The following PRAMEF12 variants were observed in gnomAD, a reference collection of about 807,000 sequenced individuals.
PRAMEF12 encodes PRAME family member 12.
Under a neutral mutation model 24.6 loss-of-function variants are expected in PRAMEF12, and 24 were observed. The observed-to-expected ratio is 0.98, with a 90% confidence interval of 0.71 to 1.37. The LOEUF is 1.37. Ranked by LOEUF, PRAMEF12 falls within the 40% of genes most tolerant of loss-of-function variation. The pLI, the probability that PRAMEF12 is intolerant of heterozygous loss-of-function variation, is 0.00. For synonymous variants in PRAMEF12, 286 were observed against 242.6 expected (o/e 1.18, Z -1.66); for missense variants, 646 against 580.3 (o/e 1.11, Z -1.16).
chr1:12,776,459 A>G (rs1486526818), intron 2 of PRAMEF12, among the ~76,000 whole-genome samples: 1 of 152,156 alleles, frequency 6.6e-6, no homozygotes, highest in African/African-American at 2.4e-5. Flanking sequence ...TGAAGAGGGC[A>G]CTAAAGAAGA....
rs1208761873 is a variant in PRAMEF12, at chr1:12,777,877, A to G, written c.*278A>G. 6 of 446,038 alleles carry G rather than the reference A, an allele frequency of 1.3e-5. No individual in the cohort carries two copies. The highest frequency in any genetic ancestry group is 1.2e-4 in the African/African-American group (6 of 50,708). 27.6% of individuals were successfully genotyped at this position (446,038 alleles called of 1,614,324 possible). Reference sequence around the variant, plus strand: ...CCTGCACGGATGGTTGTAAAGAAACAGTCAGAAATAAAGGGAAGCTGAGTG... The same window carrying G: ...CCTGCACGGATGGTTGTAAAGAAACGGTCAGAAATAAAGGGAAGCTGAGTG... On this transcript the variant is annotated 3_prime_UTR_variant, in exon 3 of 3. Transcript: ENST00000357726.
rs1264459884 is a variant in PRAMEF12 at position 12,774,948 on chromosome 1, C to A, written c.81C>A (p.Thr27=). The part of the protein sequence containing the change: ...LLRDRALAIP[T]LEELPRELFP... ...GAGACCGGGCCTTGGCCATCCCCAC[C>A]CTGGAGGAGCTGCCCAGGGAGCTCT... Residue 27 remains threonine (T), a synonymous_variant, in exon 1 of 3, where the codon ACC becomes ACA. Coordinates refer to ENST00000357726, the MANE Select transcript of PRAMEF12 (RefSeq NM_001080830.5). 6.2e-7 allele frequency: 1 copy of A among 1,613,892 alleles called. No individual in the cohort carries two copies. The highest frequency in any genetic ancestry group is 1.3e-5 in the African/African-American group (1 of 74,866).
Position 12,777,803 on chromosome 1 carries a change from G to T in PRAMEF12, c.*204G>T, listed in dbSNP as rs920508070. 3.2e-6 allele frequency: 2 copies of T among 620,398 alleles called. No homozygotes were observed. The highest frequency in any genetic ancestry group is 5.6e-6 in the Non-Finnish European group (2 of 355,730). 38.4% of individuals were successfully genotyped at this position (620,398 alleles called of 1,614,324 possible). On this transcript the variant is annotated 3_prime_UTR_variant, in exon 3 of 3. Transcript: ENST00000357726. ...CCCAGAGAATCAGAAATGGGAATCT[G>T]AATTGCTAGAATGAGAATCAGGTAG...
rs767110416 is a variant in PRAMEF12 at position 12,776,120 on chromosome 1, T to C, written c.863+2T>C. ...AGGCCACCTGGACCAGCTGCTCAGG[T>C]GAGGAAGTATGGTGAGCTTTCTCTG... On this transcript the variant is annotated splice_donor_variant, in intron 2 of 2. Coordinates refer to ENST00000357726, the MANE Select transcript of PRAMEF12 (RefSeq NM_001080830.5). LOFTEE classifies it high-confidence loss of function. 5.6e-6 allele frequency: 9 copies of C among 1,612,870 alleles called. 1 individual carries two copies. Among genetic ancestry groups the C allele is most frequent in the South Asian group, 5.5e-5 (5 of 91,048 alleles).
At position 12,774,969 on chromosome 1, in the gene PRAMEF12, G is replaced by A; in HGVS notation, c.102G>A (p.Glu34=). Reference sequence around the variant, plus strand: ...CCACCCTGGAGGAGCTGCCCAGGGAGCTCTTTCCCCCACTGTTCATGGAGG... The same window carrying A: ...CCACCCTGGAGGAGCTGCCCAGGGAACTCTTTCCCCCACTGTTCATGGAGG... ...AIPTLEELPR[E]LFPPLFMEAF... Residue 34 remains glutamate, a synonymous_variant, in exon 1 of 3, where the codon GAG becomes GAA. Coordinates refer to ENST00000357726, the MANE Select transcript of PRAMEF12 (RefSeq NM_001080830.5). The A allele has an allele frequency of 1.9e-6, 3 of 1,614,122 alleles. No homozygotes were observed. The highest frequency in any genetic ancestry group is 2.5e-6 in the Non-Finnish European group (3 of 1,180,014).
Position 12,777,394 on chromosome 1 carries a change from A to T in PRAMEF12, c.1247A>T (p.Glu416Val). ...LSLELYPAPL[E>V]SYDAQGALCW... ...CTGGAGCTGTATCCTGCCCCTCTGG[A>T]GAGTTATGATGCCCAGGGTGCTCTC... The change falls in exon 3 of 3, where the codon GAG becomes GTG. Residue 416 changes from glutamate to valine, a missense_variant. Transcript: ENST00000357726. The T allele has an allele frequency of 6.2e-7, 1 of 1,613,814 alleles. No homozygotes were observed.
rs1639023000 is a variant in PRAMEF12 at position 12,774,840 on chromosome 1, T to C, written c.-28T>C. 1 of 1,557,476 alleles carries C rather than the reference T, an allele frequency of 6.4e-7. No homozygotes were observed. Among genetic ancestry groups the C allele is most frequent in the South Asian group, 1.2e-5 (1 of 81,476 alleles). ...GAAGTGATGTGATTTGCCGTAAGAA[T>C]GATGTTTTTTTCTCTAGATTCATCA... On this transcript the variant is annotated 5_prime_UTR_variant, in exon 1 of 3. It removes an upstream start codon present in the reference 5' UTR. Coordinates refer to ENST00000357726, the MANE Select transcript of PRAMEF12 (RefSeq NM_001080830.5).
rs1639070240 is a variant in PRAMEF12 at position 12,777,349 on chromosome 1, T to C, written c.1202T>C (p.Val401Ala). The stretch of plus-strand genomic sequence containing the variant: ...CTGGAGAACCTGCTGCGCCACACCG[T>C]CGGGCTGAGCAAGCTAAGCCTGGAG... Reference protein sequence around the residue: ...AALENLLRHTVGLSKLSLELY... With the variant: ...AALENLLRHTAGLSKLSLELY... The change falls in exon 3 of 3, where the codon GTC (valine) becomes GCC (alanine). Residue 401 changes from valine to alanine, a missense_variant. Transcript: ENST00000357726. 3 of 1,613,534 alleles carry C rather than the reference T, an allele frequency of 1.9e-6. No individual in the cohort carries two copies. The East Asian group carries it at 6.7e-5, about 36-fold the overall frequency.
rs201425552 is a variant in PRAMEF12 at position 12,777,577 on chromosome 1, G to A, written c.1430G>A (p.Cys477Tyr). Reference sequence around the variant, plus strand: ...CCCAGTCACTGTCTGTTGAATGCCTGCTGTCAGGGTGGATTTATTTAAAGC... The same window carrying A: ...CCCAGTCACTGTCTGTTGAATGCCTACTGTCAGGGTGGATTTATTTAAAGC... ...LEPSHCLLNA[C>Y]CQGGFI is the part of the protein sequence containing the mutation. The change falls in exon 3 of 3, where the codon TGC (cysteine) becomes TAC (tyrosine). Residue 477 changes from cysteine (C) to tyrosine (Y), a missense_variant. Transcript: ENST00000357726. The A allele has an allele frequency of 0.011, 16,941 of 1,552,748 alleles. No individual in the cohort carries two copies. Among genetic ancestry groups the A allele is most frequent in the East Asian group, 0.043 (1,815 of 42,354 alleles).
chr1:12,775,453 C>T, intron 1 of PRAMEF12, 90 bp from the exon 2 acceptor site: 1 of 1,237,752 alleles, frequency 8.1e-7, no homozygotes, highest in Non-Finnish European at 1.1e-6. Context: ...GTGGGAGAAG[C>T]AGCAGGGAGG....
rs1332742312 is a variant in PRAMEF12, at chr1:12,777,027, T to C, written c.880T>C (p.Leu294=). Residue 294 remains leucine (L), a synonymous_variant, in exon 3 of 3, where the codon TTG becomes CTG. Coordinates refer to ENST00000357726, the MANE Select transcript of PRAMEF12 (RefSeq NM_001080830.5). ...CTCTCCCAGGTGTCTCCAGGCCCCC[T>C]TGGAGACAGTCGTAATGACCGAATG... is the stretch of plus-strand genomic sequence containing the variant. ...DQLLRCLQAP[L]ETVVMTECLL... is the part of the protein sequence containing the mutation. 1.9e-6 allele frequency: 3 copies of C among 1,612,854 alleles called. No individual in the cohort carries two copies. The highest frequency in any genetic ancestry group is 2.2e-5 in the East Asian group (1 of 44,898).
chr1:12,774,033 A>G lies in PRAMEF12; in HGVS notation c.-835A>G, dbSNP rs1344856457. On this transcript the variant is annotated 5_prime_UTR_variant, in exon 1 of 3. Coordinates refer to ENST00000357726, the MANE Select transcript of PRAMEF12 (RefSeq NM_001080830.5). ...TTTGTCATTTCAAAATTCTTATTGA[A>G]GCAGTTTTTTTTTTAACAAGAGATA... Among the ~76,000 whole-genome samples the G allele has an allele frequency of 1.3e-5, 2 of 150,796 alleles. No individual in the cohort carries two copies. Among genetic ancestry groups the G allele is most frequent in the African/African-American group, 2.5e-5 (1 of 40,094 alleles).
Position 12,775,166 on chromosome 1 carries a change from C to T in PRAMEF12, c.287+12C>T. ...AAGGTTCGCCCCAGGTGAGGTGACC[C>T]AGCTAACCAGGTGGGGAGGGCTCAG... is the stretch of plus-strand genomic sequence containing the variant. On this transcript the variant is annotated intron_variant, in intron 1 of 2. Coordinates refer to ENST00000357726, the MANE Select transcript of PRAMEF12 (RefSeq NM_001080830.5). The T allele has an allele frequency of 6.3e-7, 1 of 1,599,734 alleles. No individual in the cohort carries two copies.
intron 1 of PRAMEF12, 83 bp from the exon 2 acceptor site, chr1:12,775,460 G>A: frequency 7.8e-7 from 1 of 1,287,286 alleles, no homozygotes; most frequent in South Asian, 1.4e-5. Context: ...AAGCAGCAGG[G>A]AGGAGAGTCG....
At position 12,775,681 on chromosome 1, in the gene PRAMEF12, G is replaced by A. The variant is rs1476222082; in HGVS notation, c.426G>A (p.Gln142=). The A allele has an allele frequency of 1.2e-6, 2 of 1,613,990 alleles. No homozygotes were observed. The highest frequency in any genetic ancestry group is 1.3e-5 in the African/African-American group (1 of 74,976). ...TAGNCPRPGG[Q]QPLMVILDLC... is the part of the protein sequence containing the mutation. ...GGAACTGTCCAAGGCCGGGTGGGCA[G>A]CAGCCCTTGATGGTGATCCTAGACC... is the stretch of plus-strand genomic sequence containing the variant. The change falls in exon 2 of 3, where the codon CAG becomes CAA. Residue 142 remains glutamine (Q), a synonymous_variant. Transcript: ENST00000357726.
Position 12,777,700 on chromosome 1 carries a change from A to T in PRAMEF12, c.*101A>T. Reference sequence around the variant, plus strand: ...CATATGCCTGCTCAATGTGAACCGGAAAGGAAAGGGGATGCAGGAAGGGAG... The same window carrying T: ...CATATGCCTGCTCAATGTGAACCGGTAAGGAAAGGGGATGCAGGAAGGGAG... On this transcript the variant is annotated 3_prime_UTR_variant, in exon 3 of 3. Transcript: ENST00000357726. The T allele has an allele frequency of 7.3e-7, 1 of 1,367,584 alleles. No individual in the cohort carries two copies. Among genetic ancestry groups the T allele is most frequent in the South Asian group, 1.4e-5 (1 of 72,630 alleles). The allele number at this position is 1,367,584 out of a possible 1,614,324, so 84.7% of individuals were successfully genotyped here.
intron 1 of PRAMEF12, 81 bp from the exon 2 acceptor site, chr1:12,775,462 G>C: frequency 7.7e-7 from 1 of 1,299,890 alleles, no homozygotes; most frequent in Non-Finnish European, 1.1e-6. Flanking sequence ...GCAGCAGGGA[G>C]GAGAGTCGCT....
chr1:12,774,909 G>A lies in PRAMEF12; in HGVS notation c.42G>A (p.Glu14=). Residue 14 remains glutamate, a synonymous_variant, in exon 1 of 3, where the codon GAG becomes GAA. Coordinates refer to ENST00000357726, the MANE Select transcript of PRAMEF12 (RefSeq NM_001080830.5). ...QAPPRLLELA[E]QSLLRDRALA... Reference sequence around the variant, plus strand: ...CACCTAGACTCCTGGAGCTGGCTGAGCAGAGTCTGCTGAGAGACCGGGCCT... The same window carrying A: ...CACCTAGACTCCTGGAGCTGGCTGAACAGAGTCTGCTGAGAGACCGGGCCT... 1 of 1,613,626 alleles carries A rather than the reference G, an allele frequency of 6.2e-7. No homozygotes were observed. Among genetic ancestry groups the A allele is most frequent in the Non-Finnish European group, 8.5e-7 (1 of 1,179,728 alleles).
rs1020584481 is a variant in PRAMEF12 at position 12,774,519 on chromosome 1, G to A, written c.-349G>A. Reference sequence around the variant, plus strand: ...CTGTGTGGGGCCACAGGACATTCTCGTTCCCATTGTTTTAGGGTGGTAAGT... The same window carrying A: ...CTGTGTGGGGCCACAGGACATTCTCATTCCCATTGTTTTAGGGTGGTAAGT... On this transcript the variant is annotated 5_prime_UTR_variant, in exon 1 of 3. Transcript: ENST00000357726. Among the ~76,000 whole-genome samples the A allele has an allele frequency of 6.6e-6, 1 of 152,178 alleles. No homozygotes were observed. The highest frequency in any genetic ancestry group is 1.5e-5 in the Non-Finnish European group (1 of 68,034).
Sources: gnomAD v4.1 joint callset for allele counts (sites outside exome capture counted in the v4.1 genomes callset) on GRCh38, gnomAD v4.1.1 for gene constraint, MANE v1.5 for transcripts, NCBI Gene and HGNC (gene_info 2026-07-23, HGNC 2026-07-21) for gene names.